HPGDS: variants seen among roughly 807,000 people sequenced by gnomAD.
HPGDS encodes the protein hematopoietic prostaglandin D synthase, also known as GST class-sigma.
In HPGDS, 26 loss-of-function variants were observed where a neutral mutation model predicts 23.1. The ratio of observed to expected loss-of-function variants is 1.13; its 90% CI spans 0.83 to 1.56. The LOEUF (loss-of-function observed/expected upper bound fraction) is 1.56. Among genes scored for constraint, HPGDS ranks in the 40% most tolerant of loss-of-function variants. The pLI is 0.00. For missense variants in HPGDS, 268 were observed against 236.4 expected (o/e 1.13, Z -0.88); for synonymous variants, 95 against 77.9 (o/e 1.22, Z -1.16).
At chr4:94,326,598 T>C (rs1756636140) in intron 2 of HPGDS, among the ~76,000 whole-genome samples, 1 of 152,172 alleles carries the variant, frequency 6.6e-6, no homozygotes, top group South Asian at 2.1e-4. Context: ...AATTTCTCAT[T>C]CAGATCATTG....
chr4:94,309,638 T>C (rs1756218988), intron 3 of HPGDS, among the ~76,000 whole-genome samples: 1 of 152,112 alleles, frequency 6.6e-6, no homozygotes, highest in Admixed American at 6.6e-5. Context: ...CCTTTGGGTA[T>C]ATACCCACTA....
At chr4:94,321,809 G>A (rs1359428150) in intron 2 of HPGDS, among the ~76,000 whole-genome samples, 1 of 152,194 alleles carries the variant, frequency 6.6e-6, no homozygotes, top group East Asian at 1.9e-4. Context: ...TGTTGAATAG[G>A]AGTGGTGTGA....
At chr4:94,342,046 T>C (rs1578149354) in intron 1 of HPGDS, among the ~76,000 whole-genome samples, 1 of 152,280 alleles carries the variant, frequency 6.6e-6, no homozygotes, top group South Asian at 2.1e-4. Flanking sequence ...TATAGGACAA[T>C]AGAGAAATAG....
At chr4:94,323,516 A>T (rs1309135323) in intron 2 of HPGDS, among the ~76,000 whole-genome samples, 1 of 152,138 alleles carries the variant, frequency 6.6e-6, no homozygotes. Context: ...CCATTATGTA[A>T]TGGCCTTCTT....
At chr4:94,327,127 C>T (rs986826456) in intron 2 of HPGDS, among the ~76,000 whole-genome samples, 1 of 151,760 alleles carries the variant, frequency 6.6e-6, no homozygotes, top group African/African-American at 2.4e-5. Context: ...TTCCTAGGCC[C>T]CTGAATGGGA....
chr4:94,339,841 C>A (rs1010130976), intron 1 of HPGDS, among the ~76,000 whole-genome samples: 3 of 152,128 alleles, frequency 2.0e-5, no homozygotes, highest in African/African-American at 7.2e-5. Flanking sequence ...CGGTTTCCCC[C>A]ATACTGACTT....
chr4:94,308,366 T>C (rs898951234), intron 4 of HPGDS, among the ~76,000 whole-genome samples: 6 of 152,130 alleles, frequency 3.9e-5, no homozygotes, highest in Admixed American at 1.3e-4. Flanking sequence ...GAGGAAGTCA[T>C]ATTTATTTAT....
intron 3 of HPGDS, 137 bp from the exon 4 acceptor site, chr4:94,308,880 C>T (rs1756196125): frequency 4.2e-6 from 2 of 480,918 alleles, no homozygotes; most frequent in Admixed American, 3.8e-5. Context: ...CTTCCATCCA[C>T]CACATTTTGC....
chr4:94,306,771 G>C (rs539297625), intron 4 of HPGDS, among the ~76,000 whole-genome samples: 1 of 152,122 alleles, frequency 6.6e-6, no homozygotes, highest in East Asian at 1.9e-4. Flanking sequence ...TAAAAGTAAT[G>C]CAGAAAAGCC....
chr4:94,317,630 T>A (rs1268811791), intron 3 of HPGDS, among the ~76,000 whole-genome samples: 1 of 152,130 alleles, frequency 6.6e-6, no homozygotes, highest in African/African-American at 2.4e-5. Context: ...CAAAAAGGGC[T>A]TGGAGAGCAA....
At chr4:94,314,100 C>T (rs923201370) in intron 3 of HPGDS, among the ~76,000 whole-genome samples, 42 of 152,176 alleles carry the variant, frequency 2.8e-4, no homozygotes, top group African/African-American at 7.7e-4. Flanking sequence ...TCCTTTAGCT[C>T]GGAGAAGTTT....
chr4:94,299,848 A>G (rs548004524), intron 5 of HPGDS, among the ~76,000 whole-genome samples: 4 of 152,328 alleles, frequency 2.6e-5, no homozygotes, highest in South Asian at 2.1e-4. Flanking sequence ...ATTTTCGTGT[A>G]TAAGATATTT....
intron 4 of HPGDS, among the ~76,000 whole-genome samples, chr4:94,305,582 T>C (rs1281870036): frequency 6.6e-6 from 1 of 152,140 alleles, no homozygotes; most frequent in East Asian, 1.9e-4. Context: ...GACTATAGGC[T>C]TTAGCTTTAA....
intron 3 of HPGDS, among the ~76,000 whole-genome samples, chr4:94,310,818 G>C (rs1026483387): frequency 3.3e-5 from 5 of 152,148 alleles, no homozygotes; most frequent in African/African-American, 1.2e-4. Flanking sequence ...TTGTTGAGCA[G>C]TGTTTTGTAA....
chr4:94,340,706 T>A (rs1721148143), intron 1 of HPGDS, among the ~76,000 whole-genome samples: 1 of 131,056 alleles, frequency 7.6e-6, no homozygotes, highest in Admixed American at 8.4e-5. Flanking sequence ...TCGCCCAGCC[T>A]GGAGTGCAAT....
Position 94,299,572 on chromosome 4 carries a change from T to G in HPGDS, c.508A>C (p.Asn170His). Residue 170 changes from asparagine to histidine, a missense_variant, in exon 6 of 6, where the codon AAC (asparagine) becomes CAC (histidine). Transcript: ENST00000295256. Reference sequence around the variant, plus strand: ...CGTAAAGTCACCAGCCTTGGATGGTTGTCTAACAGGTCAGGCTTAAAGACC... The same window carrying G: ...CGTAAAGTCACCAGCCTTGGATGGTGGTCTAACAGGTCAGGCTTAAAGACC... ...LLVFKPDLLD[N>H]HPRLVTLRKK... is the part of the protein sequence containing the mutation. 1.2e-6 allele frequency: 2 copies of G among 1,614,092 alleles called. No individual in the cohort carries two copies. The highest frequency in any genetic ancestry group is 1.7e-6 in the Non-Finnish European group (2 of 1,179,962).
rs1358812394 is a variant in HPGDS, at chr4:94,299,508, A to G, written c.572T>C (p.Ile191Thr). The change falls in exon 6 of 6, where the codon ATA becomes ACA. Residue 191 changes from isoleucine to threonine, a missense_variant. Transcript: ENST00000295256. ...GAGTTTGGTTTGGGGCCTTCGTTTT[A>G]TCCAGTTAGCGACGGCAGGAATGGC... ...VQAIPAVANW[I>T]KRRPQTKL 1 of 1,613,474 alleles carries G rather than the reference A, an allele frequency of 6.2e-7. No homozygotes were observed.
chr4:94,309,722 T>C (rs981864568), intron 3 of HPGDS, among the ~76,000 whole-genome samples: 2 of 151,866 alleles, frequency 1.3e-5, no homozygotes, highest in Non-Finnish European at 2.9e-5. Flanking sequence ...TCCACAATGG[T>C]TGAACTAGTT....
chr4:94,321,676 G>A (rs1405893156), intron 2 of HPGDS, among the ~76,000 whole-genome samples: 1 of 152,066 alleles, frequency 6.6e-6, no homozygotes, highest in African/African-American at 2.4e-5. Flanking sequence ...GAGATGATGG[G>A]GTTTTCTAAA....
Sources: gnomAD v4.1 joint callset for allele counts (sites outside exome capture counted in the v4.1 genomes callset) on GRCh38, gnomAD v4.1.1 for gene constraint, MANE v1.5 for transcripts, NCBI Gene and HGNC (gene_info 2026-07-23, HGNC 2026-07-21) for gene names.